MED24: variants seen among roughly 807,000 people sequenced by gnomAD.
MED24 encodes mediator complex subunit 24.
A neutral mutation model predicts 118.8 loss-of-function variants in MED24; 74 were observed. The ratio of observed to expected loss-of-function variants is 0.62; its 90% CI spans 0.52 to 0.76. The LOEUF (loss-of-function observed/expected upper bound fraction) is 0.76. Among genes scored for constraint, MED24 ranks in the 30% least tolerant of loss-of-function variants. MED24 has a pLI of 0.00. For synonymous variants in MED24, 521 were observed against 523.9 expected, an observed-to-expected ratio of 0.99 and a Z score of 0.08; for missense variants, 1,041 against 1,278.9, an observed-to-expected ratio of 0.81 and a Z score of 2.84.
chr17:40,046,148 G>A (rs1350611543), intron 3 of MED24, among the ~76,000 whole-genome samples: 2 of 146,454 alleles, frequency 1.4e-5, no homozygotes, highest in Non-Finnish European at 3.0e-5. Flanking sequence ...GCAGTGGCGC[G>A]ATCTCTGCTC....
chr17:40,053,698 G>A (rs1187304472), intron 1 of MED24, 63 bp from the exon 2 acceptor site: 2 of 1,590,690 alleles, frequency 1.3e-6, no homozygotes, highest in Non-Finnish European at 1.7e-6. Context: ...AACCGGGGAA[G>A]GCAGAATTAA....
At chr17:40,020,203 C>G in intron 24 of MED24, 70 bp downstream of exon 24, 1 of 1,399,688 alleles carries the variant, frequency 7.1e-7, no homozygotes, top group Non-Finnish European at 9.6e-7. Context: ...GACAAGGTCT[C>G]CCAGCCTCCA....
intron 13 of MED24, among the ~76,000 whole-genome samples, chr17:40,029,294 G>C (rs911715341): frequency 6.6e-6 from 1 of 152,136 alleles, no homozygotes; most frequent in African/African-American, 2.4e-5. Context: ...TGCCCCCCAG[G>C]GTTCAGCGAT....
chr17:40,026,692 G>A lies in MED24; in HGVS notation c.1764C>T (p.Ile588=). 2 of 1,612,576 alleles carry A rather than the reference G, an allele frequency of 1.2e-6. No homozygotes were observed. The highest frequency in any genetic ancestry group is 1.7e-6 in the Non-Finnish European group (2 of 1,179,302). ...CLSISAAILE[I]LNAWENGVLA... is the part of the protein sequence containing the mutation. ...GGACCCCATTCTCCCAGGCATTGAGGATTTCCAAGATGGCGGCTGAGATGC... is the reference window on the plus strand; with the variant it reads ...GGACCCCATTCTCCCAGGCATTGAGAATTTCCAAGATGGCGGCTGAGATGC... The change falls in exon 18 of 26, where the codon ATC becomes ATT. Residue 588 remains isoleucine, a synonymous_variant. Coordinates refer to ENST00000394128, the MANE Select transcript of MED24 (RefSeq NM_014815.4).
At chr17:40,046,408 A>AT (rs1568174604) in intron 3 of MED24, among the ~76,000 whole-genome samples, 4 of 151,114 alleles carry the variant, frequency 2.6e-5, no homozygotes, top group Admixed American at 6.6e-5. Flanking sequence ...AATAAAAAAA[A>AT]ATATATATGT....
Position 40,026,604 on chromosome 17 carries a change from C to G in MED24, c.1809+43G>C, listed in dbSNP as rs770208959. On this transcript the variant is annotated intron_variant, in intron 18 of 25. Transcript: ENST00000394128. ...TATAACAAGTCATCACTGGCTGGCTCTGTGTCTCAGGGGAGCAAACGCTGC... is the reference window on the plus strand; with the variant it reads ...TATAACAAGTCATCACTGGCTGGCTGTGTGTCTCAGGGGAGCAAACGCTGC... 31 of 1,541,222 alleles carry G rather than the reference C, an allele frequency of 2.0e-5. No homozygotes were observed. The Middle Eastern group carries it at 8.5e-4, about 42-fold the overall frequency.
chr17:40,020,038 A>G (rs1202820309), intron 24 of MED24, 105 bp from the exon 25 acceptor site: 1 of 1,385,110 alleles, frequency 7.2e-7, no homozygotes, highest in Non-Finnish European at 9.9e-7. Context: ...ACACATGCTG[A>G]GCATGTCCCC....
intron 3 of MED24, among the ~76,000 whole-genome samples, chr17:40,052,888 C>T (rs2145010859): frequency 6.6e-6 from 1 of 152,276 alleles, no homozygotes. Flanking sequence ...ACTCTTTCAT[C>T]TAGAAAGAGT....
chr17:40,031,492 C>G, intron 11 of MED24, 46 bp downstream of exon 11: 1 of 1,553,382 alleles, frequency 6.4e-7, no homozygotes, highest in Non-Finnish European at 8.9e-7. Flanking sequence ...GGGGAAGAGC[C>G]CAGAACGCCT....
rs753733337 is a variant in MED24, at chr17:40,035,356, G to A, written c.327-7C>T. On this transcript the variant is annotated splice_polypyrimidine_tract_variant and splice_region_variant and intron_variant, in intron 5 of 25. Transcript: ENST00000394128. ...CTCTGCTTTGCCGTGACAGCTACAGGGAAGGATGCAAAATCAGACTCTGTT... is the reference window on the plus strand; with the variant it reads ...CTCTGCTTTGCCGTGACAGCTACAGAGAAGGATGCAAAATCAGACTCTGTT... 6.4e-7 allele frequency: 1 copy of A among 1,569,812 alleles called. No homozygotes were observed. Among genetic ancestry groups the A allele is most frequent in the South Asian group, 1.2e-5 (1 of 86,212 alleles).
chr17:40,020,027 A>G, intron 24 of MED24, 94 bp from the exon 25 acceptor site: 1 of 1,445,756 alleles, frequency 6.9e-7, no homozygotes, highest in Non-Finnish European at 9.4e-7. Context: ...AGGGAAAAGA[A>G]ACACATGCTG....
chr17:40,026,466 T>C (rs1982661463), intron 18 of MED24, 135 bp from the exon 19 acceptor site: 1 of 1,246,994 alleles, frequency 8.0e-7, no homozygotes, highest in Middle Eastern at 2.2e-4. Context: ...CTCCACAAGT[T>C]TGATCTTCCC....
rs76329606 is a variant in MED24 at position 40,020,144 on chromosome 17, G to A, written c.2704+129C>T. On this transcript the variant is annotated intron_variant, in intron 24 of 25. Transcript: ENST00000394128. ...CCTGGGGGCCAGGACAGCCAACAAT[G>A]AGGGGCATGGAGAGGGAAGGGAGGG... The A allele has an allele frequency of 2.5e-4, 266 of 1,070,472 alleles. 5 individuals are homozygous for A. The East Asian group carries it at 6.3e-3, about 25-fold the overall frequency. 66.3% of individuals were successfully genotyped at this position (1,070,472 alleles called of 1,614,324 possible).
At chr17:40,019,750 AG>A (rs1981718364) in intron 25 of MED24, 34 bp downstream of exon 25, 1 of 1,607,808 alleles carries the variant, frequency 6.2e-7, no homozygotes, top group African/African-American at 1.3e-5. Flanking sequence ...CCGAGGCCCC[AG>A]CACCAGCAGG....
chr17:40,020,540 C>T (rs2144851477), intron 23 of MED24, 187 bp from the exon 24 acceptor site: 1 of 1,390,226 alleles, frequency 7.2e-7, no homozygotes, highest in South Asian at 1.2e-5. Context: ...GTAATCCCAG[C>T]ATTTTGGGAG....
intron 3 of MED24, among the ~76,000 whole-genome samples, chr17:40,044,878 C>CAAAAA (rs5820328): frequency 8.8e-6 from 1 of 113,734 alleles, no homozygotes; most frequent in Admixed American, 8.7e-5. Flanking sequence ...GACTCCATCT[C>CAAAAA]AAAAAAAAAA....
Position 40,054,377 on chromosome 17 carries a change from A to G in MED24, c.-54T>C, listed in dbSNP as rs2145017552. On this transcript the variant is annotated 5_prime_UTR_variant, in exon 1 of 26. The change abolishes the stop of an existing upstream ORF in the 5' untranslated region. Coordinates refer to ENST00000394128, the MANE Select transcript of MED24 (RefSeq NM_014815.4). ...TAAGCCTACCGCACAATCCAGTTCT[A>G]GGTGGTAGGCATCGCCATTTTGGCA... 1 of 152,446 alleles carries G rather than the reference A, an allele frequency of 6.6e-6. No homozygotes were observed. Among genetic ancestry groups the G allele is most frequent in the African/African-American group, 2.4e-5 (1 of 41,558 alleles). 9.4% of individuals were successfully genotyped at this position (152,446 alleles called of 1,614,324 possible).
intron 3 of MED24, among the ~76,000 whole-genome samples, chr17:40,041,408 C>A (rs1319332428): frequency 6.6e-6 from 1 of 152,156 alleles, no homozygotes; most frequent in Non-Finnish European, 1.5e-5. Flanking sequence ...TTAGTCACTT[C>A]TTTGCTCACT....
rs709592 is a variant in MED24, at chr17:40,019,300, C to T, written c.*229G>A. 201,571 of 550,078 alleles carry T rather than the reference C, an allele frequency of 0.37. 38,048 individuals carry two copies. Among genetic ancestry groups the T allele is most frequent in the East Asian group, 0.43 (13,813 of 32,126 alleles). The allele number at this position is 550,078 out of a possible 1,614,324, so 34.1% of individuals were successfully genotyped here. A position where few individuals can be genotyped will look rare whatever the true frequency, so the allele number is the denominator to read the frequency against. On this transcript the variant is annotated 3_prime_UTR_variant, in exon 26 of 26. Transcript: ENST00000394128. ...GTGACCACTGGGCTTGTGGTCCAGG[C>T]TGCTCACTCTCCTCAGGTGCCAGCA...
Sources: gnomAD v4.1 joint callset for allele counts (sites outside exome capture counted in the v4.1 genomes callset) on GRCh38, gnomAD v4.1.1 for gene constraint, MANE v1.5 for transcripts, NCBI Gene and HGNC (gene_info 2026-07-23, HGNC 2026-07-21) for gene names.